The following FOCAD variants were observed in gnomAD, a reference collection of about 807,000 sequenced individuals.
The protein encoded by FOCAD is KIAA1797.
FOCAD carries 198 observed loss-of-function variants against 225.6 expected under a neutral mutation model. That is an observed-to-expected ratio of 0.88 (90% CI 0.78 to 0.99). The LOEUF is 0.99. Among genes scored for constraint, FOCAD ranks in the 50% least tolerant of loss-of-function variants. FOCAD has a pLI of 0.00. For synonymous variants in FOCAD, 897 were observed against 755.0 expected (o/e 1.19, Z -3.08); for missense variants, 2,713 against 2,123.6 (o/e 1.28, Z -5.46).
At chr9:20,866,258 C>A (rs1343928564) in intron 17 of FOCAD, among the ~76,000 whole-genome samples, 1 of 144,918 alleles carries the variant, frequency 6.9e-6, no homozygotes, top group Non-Finnish European at 1.6e-5. Flanking sequence ...TGGTCTTTCC[C>A]CTTTCCTGCT....
chr9:20,990,787 C>G (rs1841595886), intron 42 of FOCAD, among the ~76,000 whole-genome samples: 1 of 152,114 alleles, frequency 6.6e-6, no homozygotes. Context: ...AGGAGTTGAT[C>G]AACAATGCCT....
chr9:20,865,317 G>C (rs1189771959), intron 16 of FOCAD, among the ~76,000 whole-genome samples: 1 of 152,028 alleles, frequency 6.6e-6, no homozygotes, highest in African/African-American at 2.4e-5. Flanking sequence ...AATATGCAAA[G>C]GCAAGGAGGT....
At chr9:20,751,854 C>T (rs1461791227) in intron 5 of FOCAD, among the ~76,000 whole-genome samples, 1 of 144,696 alleles carries the variant, frequency 6.9e-6, no homozygotes, top group Non-Finnish European at 1.5e-5. Context: ...GCCATTCTAA[C>T]TGGTGTGAGA....
chr9:20,946,969 T>G, intron 30 of FOCAD, 149 bp downstream of exon 30: 16 of 922,744 alleles, frequency 1.7e-5, no homozygotes, highest in Non-Finnish European at 2.4e-5. Flanking sequence ...CTCACAGCTG[T>G]AGCCAAAAGT....
intron 18 of FOCAD, among the ~76,000 whole-genome samples, chr9:20,873,532 T>C (rs1829978458): frequency 6.6e-6 from 1 of 152,178 alleles, no homozygotes; most frequent in African/African-American, 2.4e-5. Context: ...TATGGCTGAT[T>C]CCGCCCTCTG....
chr9:20,906,861 G>A (rs368992302), intron 21 of FOCAD, among the ~76,000 whole-genome samples: 10 of 152,148 alleles, frequency 6.6e-5, no homozygotes, highest in East Asian at 1.9e-4. Context: ...CCTAATTTTC[G>A]AGGGTTGATT....
chr9:20,882,096 T>G (rs1348872337), intron 20 of FOCAD, 40 bp downstream of exon 20: 1 of 1,559,008 alleles, frequency 6.4e-7, no homozygotes, highest in South Asian at 1.2e-5. Flanking sequence ...AGGTTTTTCA[T>G]GTAATGATTT....
chr9:20,968,279 T>G (rs1290872821), intron 35 of FOCAD, among the ~76,000 whole-genome samples: 1 of 152,092 alleles, frequency 6.6e-6, no homozygotes, highest in Non-Finnish European at 1.5e-5. Flanking sequence ...CCTTTTTATT[T>G]CTGCAAGGTC....
chr9:20,664,193 A>G (rs1322131563), intron 2 of FOCAD, among the ~76,000 whole-genome samples: 1 of 151,654 alleles, frequency 6.6e-6, no homozygotes. Flanking sequence ...AAAAAGTTCT[A>G]TATTTCTAGA....
intron 25 of FOCAD, among the ~76,000 whole-genome samples, chr9:20,924,701 A>T (rs1259363032): frequency 6.6e-6 from 1 of 152,138 alleles, no homozygotes; most frequent in East Asian, 1.9e-4. Flanking sequence ...GACTCATTTA[A>T]ACCAAAAAGG....
intron 21 of FOCAD, among the ~76,000 whole-genome samples, chr9:20,889,097 A>C (rs1831385329): frequency 6.6e-6 from 1 of 152,204 alleles, no homozygotes; most frequent in Non-Finnish European, 1.5e-5. Context: ...CATTACCCAG[A>C]AAAGAAACTG....
At chr9:20,874,970 A>G (rs1266595818) in intron 19 of FOCAD, 163 bp downstream of exon 19, 7 of 870,308 alleles carry the variant, frequency 8.0e-6, no homozygotes, top group Non-Finnish European at 1.3e-5. Flanking sequence ...AGCTTGAGGT[A>G]GTATGGTGTT....
chr9:20,754,666 A>G (rs1278597083), intron 5 of FOCAD, among the ~76,000 whole-genome samples: 4 of 151,948 alleles, frequency 2.6e-5, no homozygotes, highest in Non-Finnish European at 5.9e-5. Context: ...TTTGTCCTCC[A>G]GGGGATATTT....
intron 15 of FOCAD, among the ~76,000 whole-genome samples, chr9:20,860,973 T>A (rs1828723165): frequency 6.6e-6 from 1 of 152,232 alleles, no homozygotes; most frequent in African/African-American, 2.4e-5. Context: ...TTTTTGTACC[T>A]ATAACATGTT....
rs116859452 is a variant in FOCAD at position 20,769,118 on chromosome 9, T to C, written c.700-914T>C. On this transcript the variant is annotated intron_variant, in intron 7 of 43. Transcript: ENST00000338382. ...GTGTTTGCAAGAGAGCAAAATAATTTATACCAGACTGTTTATTTTTTATAA... is the reference window on the plus strand; with the variant it reads ...GTGTTTGCAAGAGAGCAAAATAATTCATACCAGACTGTTTATTTTTTATAA... 3.9e-5 allele frequency among the ~76,000 whole-genome samples: 6 copies of C among 152,352 alleles called. No homozygotes were observed. In the East Asian group the frequency reaches 1.2e-3, roughly 29 times the overall value.
intron 35 of FOCAD, among the ~76,000 whole-genome samples, chr9:20,961,556 A>G (rs1838731253): frequency 6.6e-6 from 1 of 152,184 alleles, no homozygotes; most frequent in Admixed American, 6.5e-5. Flanking sequence ...AGGCCGTTTC[A>G]GTGGACAGAG....
chr9:20,813,798 T>A (rs1823346392), intron 11 of FOCAD, among the ~76,000 whole-genome samples: 1 of 152,212 alleles, frequency 6.6e-6, no homozygotes, highest in Non-Finnish European at 1.5e-5. Context: ...TCTGTCTGGA[T>A]GTTCTATCCA....
At chr9:20,922,332 A>G (rs1834515358) in intron 24 of FOCAD, among the ~76,000 whole-genome samples, 1 of 145,006 alleles carries the variant, frequency 6.9e-6, no homozygotes, top group South Asian at 2.4e-4. Context: ...ATAGAGGAAT[A>G]CATTGAGGTG....
chr9:20,796,320 G>T (rs1040353736), intron 11 of FOCAD, among the ~76,000 whole-genome samples: 1 of 152,164 alleles, frequency 6.6e-6, no homozygotes, highest in Non-Finnish European at 1.5e-5. Context: ...AAACCTTCGG[G>T]TATATACCCA....
Sources: allele counts gnomAD v4.1 joint callset (sites outside exome capture counted in the v4.1 genomes callset), GRCh38; gene constraint gnomAD v4.1.1; transcripts MANE v1.5; gene names NCBI Gene and HGNC (gene_info 2026-07-23, HGNC 2026-07-21).